WDR86: variants seen among roughly 807,000 people sequenced by gnomAD.
WDR86 encodes WD repeat domain 86, also known as WD repeat-containing protein 86.
A neutral mutation model predicts 36.5 loss-of-function variants in WDR86; 30 were observed. The observed-to-expected ratio is 0.82, with a 90% CI of 0.61 to 1.11. The LOEUF is 1.11. Ranked by LOEUF, WDR86 falls within the 50% of genes most tolerant of loss-of-function variation. The pLI is 0.00. For missense variants in WDR86, 545 were observed against 561.2 expected (o/e 0.97, Z 0.29); for synonymous variants, 255 against 252.9 (o/e 1.01, Z -0.08).
intron 1 of WDR86, among the ~76,000 whole-genome samples, chr7:151,408,362 A>G (rs555416498): frequency 6.6e-6 from 1 of 151,686 alleles, no homozygotes; most frequent in South Asian, 2.1e-4. Context: ...ACGCCCAGCT[A>G]ATTTTTTGTA....
In WDR86 at chr7:151,381,397, C is replaced by A; in HGVS notation, c.*185G>T. The A allele has an allele frequency of 6.8e-7, 1 of 1,475,488 alleles. No homozygotes were observed. The highest frequency in any genetic ancestry group is 1.3e-5 in the South Asian group (1 of 77,640). The allele number at this position is 1,475,488 out of a possible 1,614,324, so 91.4% of individuals were successfully genotyped here. A position where few individuals can be genotyped will look rare whatever the true frequency, so the allele number is the denominator to read the frequency against. ...GGGGGCGGTCCCCAGGGCGAGCACT[C>A]CCGCTCCCAGCGCCTCCTGGCCACC... On this transcript the variant is annotated 3_prime_UTR_variant, in exon 6 of 6. Coordinates refer to ENST00000334493, the MANE Select transcript of WDR86 (RefSeq NM_198285.3). The surrounding 1 kb of genome is among the most constrained non-coding windows in gnomAD (Gnocchi z 4.8).
chr7:151,404,100 C>A (rs779295081), intron 1 of WDR86, among the ~76,000 whole-genome samples: 1 of 152,100 alleles, frequency 6.6e-6, no homozygotes, highest in African/African-American at 2.4e-5. Flanking sequence ...ATGCTGAAGA[C>A]CTGAAATGAG....
At chr7:151,397,757 G>A (rs372761761) in intron 2 of WDR86, among the ~76,000 whole-genome samples, 402 of 35,402 alleles carry the variant, frequency 0.011, 3 homozygotes, top group African/African-American at 0.021. Context: ...AGGGTGTAGC[G>A]GGAGGAAGAG....
chr7:151,410,337 A>T (rs1323159482), upstream of WDR86, among the ~76,000 whole-genome samples: 2 of 152,098 alleles, frequency 1.3e-5, no homozygotes, highest in East Asian at 3.9e-4. Flanking sequence ...TTTGGGGCGC[A>T]GCTCCACCGA....
chr7:151,397,558 G>A (rs570170540), intron 2 of WDR86, among the ~76,000 whole-genome samples: 16 of 152,322 alleles, frequency 1.1e-4, no homozygotes, highest in African/African-American at 2.2e-4. Flanking sequence ...CGAGTAGCTG[G>A]GATTACGTGT....
intron 3 of WDR86, among the ~76,000 whole-genome samples, chr7:151,389,079 C>T (rs1269373202): frequency 1.3e-5 from 2 of 151,800 alleles, no homozygotes; most frequent in Non-Finnish European, 2.9e-5. Context: ...TATAAATTAC[C>T]CAGTCAAAGG....
chr7:151,406,457 A>G lies in WDR86; in HGVS notation c.163+2970T>C, dbSNP rs1800711506. Among the ~76,000 whole-genome samples, 3 of 152,176 alleles carry G rather than the reference A, an allele frequency of 2.0e-5. No homozygotes were observed. Among genetic ancestry groups the G allele is most frequent in the Admixed American group, 6.5e-5 (1 of 15,286 alleles). ...TGCTCGAGAAATCCAGGACCGGCCA[A>G]CCACAGGCTCTTGTGGGCCCAGAGC... On this transcript the variant is annotated intron_variant, in intron 1 of 5. Coordinates refer to ENST00000334493, the MANE Select transcript of WDR86 (RefSeq NM_198285.3). The surrounding 1 kb of genome is among the most constrained non-coding windows in gnomAD (Gnocchi z 4.4).
chr7:151,386,549 G>A (rs980167973), intron 3 of WDR86, among the ~76,000 whole-genome samples: 1 of 152,168 alleles, frequency 6.6e-6, no homozygotes, highest in African/African-American at 2.4e-5. Context: ...CCAAGGACAG[G>A]GATACTGCCT....
In WDR86 at chr7:151,381,494, C is replaced by T. The variant is rs891153467; in HGVS notation, c.*88G>A. 3.4e-6 allele frequency: 5 copies of T among 1,460,412 alleles called. No homozygotes were observed. The Admixed American group carries it at 1.1e-4, about 32-fold the overall frequency. 90.5% of individuals were successfully genotyped at this position (1,460,412 alleles called of 1,614,324 possible). ...TCCTCGCTCCTCGCCCCTCGCCGGC[C>T]ATCGGGCGCCACCACCGCGGGTAGC... is the stretch of plus-strand genomic sequence containing the variant. On this transcript the variant is annotated 3_prime_UTR_variant, in exon 6 of 6. Transcript: ENST00000334493. This position sits in a 1 kb window ranked among gnomAD's most constrained non-coding sequence, Gnocchi z 4.8.
downstream of WDR86, among the ~76,000 whole-genome samples, chr7:151,371,146 C>T (rs150131115): frequency 1.4e-3 from 217 of 152,306 alleles, 3 homozygotes; most frequent in South Asian, 0.012. Context: ...TCTCCCTCTT[C>T]CACCCAACAG....
intron 2 of WDR86, 78 bp downstream of exon 2, chr7:151,400,022 G>T: frequency 1.5e-6 from 2 of 1,358,338 alleles, no homozygotes; most frequent in Non-Finnish European, 1.9e-6. Context: ...ACGTGCAGGG[G>T]CCCATATCTC....
At chr7:151,382,979 C>CTT (rs58266298) in intron 4 of WDR86, among the ~76,000 whole-genome samples, 2 of 141,218 alleles carry the variant, frequency 1.4e-5, no homozygotes, top group Non-Finnish European at 3.1e-5. Flanking sequence ...GTTCCCCAGC[C>CTT]TTTTTTTTTT....
intron 3 of WDR86, among the ~76,000 whole-genome samples, chr7:151,387,623 C>T (rs879615998): frequency 3.3e-5 from 5 of 152,090 alleles, no homozygotes; most frequent in African/African-American, 7.2e-5. Context: ...GGAGAGGCAC[C>T]GGCCCGGGGC....
chr7:151,385,447 C>A (rs1046689318), intron 3 of WDR86, among the ~76,000 whole-genome samples: 2 of 152,202 alleles, frequency 1.3e-5, no homozygotes, highest in African/African-American at 4.8e-5. Context: ...CAGGGCTGGC[C>A]GCCCAGCCCC....
chr7:151,386,800 C>T (rs1461865688), intron 3 of WDR86, among the ~76,000 whole-genome samples: 1 of 152,140 alleles, frequency 6.6e-6, no homozygotes, highest in African/African-American at 2.4e-5. Context: ...GGCCCAGCTT[C>T]CCTGGCCCTA....
rs926611971 is a variant in WDR86, at chr7:151,403,677, A to G, written c.164-3436T>C. Among the ~76,000 whole-genome samples the G allele has an allele frequency of 2.8e-4, 43 of 152,354 alleles. 1 individual carries two copies. The highest frequency in any genetic ancestry group is 1.0e-3 in the African/African-American group (43 of 41,580). Reference sequence around the variant, plus strand: ...AACTGCAGATTCTGTTTCCCTTAAAATACATGTCGGCTTAAACATTGAGGG... The same window carrying G: ...AACTGCAGATTCTGTTTCCCTTAAAGTACATGTCGGCTTAAACATTGAGGG... On this transcript the variant is annotated intron_variant, in intron 1 of 5. Coordinates refer to ENST00000334493, the MANE Select transcript of WDR86 (RefSeq NM_198285.3).
chr7:151,370,026 A>G, the WDR86 span, among the ~76,000 whole-genome samples: 7 of 151,978 alleles, frequency 4.6e-5, no homozygotes, highest in Non-Finnish European at 8.8e-5. Context: ...GCCTAGTCCA[A>G]TCGTGGTCCT....
chr7:151,398,984 A>G (rs1248748273), intron 2 of WDR86, among the ~76,000 whole-genome samples: 1 of 152,088 alleles, frequency 6.6e-6, no homozygotes, highest in East Asian at 1.9e-4. Context: ...GGAAGAGGCC[A>G]GTGGAGCTGT....
chr7:151,403,302 AGACT>A (rs1397719274), intron 1 of WDR86, among the ~76,000 whole-genome samples: 1 of 152,374 alleles, frequency 6.6e-6, no homozygotes, highest in East Asian at 1.9e-4. Context: ...TCAAATCAAA[AGACT>A]GTTAGAACTA....
Sources: allele counts gnomAD v4.1 joint callset (sites outside exome capture counted in the v4.1 genomes callset), GRCh38; gene constraint gnomAD v4.1.1; non-coding constraint Gnocchi (gnomAD v3.1); transcripts MANE v1.5; gene names NCBI Gene and HGNC (gene_info 2026-07-23, HGNC 2026-07-21).